Variants in GULP1 observed in about 807,000 individuals in gnomAD.
GULP1 encodes GULP PTB domain containing engulfment adaptor 1, also known as PTB domain-containing engulfment adapter protein 1.
A neutral mutation model predicts 40.9 loss-of-function variants in GULP1; 19 were observed. The observed-to-expected ratio is 0.46, with a 90% CI of 0.32 to 0.68. GULP1 has a LOEUF of 0.68. GULP1 is among the 30% of genes least tolerant of loss of function. The probability of loss-of-function intolerance (pLI) is 0.03; values close to 1 mark genes in which losing one functional copy is unlikely to be tolerated. For synonymous variants in GULP1, 119 were observed against 117.6 expected (o/e 1.01, Z -0.08); for missense variants, 312 against 362.2 (o/e 0.86, Z 1.12).
intron 2 of GULP1, among the ~76,000 whole-genome samples, chr2:188,438,602 A>G (rs2057644478): frequency 6.6e-6 from 1 of 151,626 alleles, no homozygotes; most frequent in Admixed American, 6.6e-5. Flanking sequence ...GGTTAATTGC[A>G]TTATTCCCAA....
At chr2:188,345,000 G>A (rs1223891262) in intron 1 of GULP1, among the ~76,000 whole-genome samples, 1 of 149,714 alleles carries the variant, frequency 6.7e-6, no homozygotes, top group Non-Finnish European at 1.5e-5. Context: ...ATTTTCATGA[G>A]TAGTAAATTT....
At chr2:188,308,994 A>G (rs2106300733) in intron 1 of GULP1, among the ~76,000 whole-genome samples, 1 of 152,314 alleles carries the variant, frequency 6.6e-6, no homozygotes, top group South Asian at 2.1e-4. Flanking sequence ...AGGCAGCATC[A>G]GATTTTCTTG....
At chr2:188,566,118 T>G (rs1254723766) in intron 7 of GULP1, among the ~76,000 whole-genome samples, 1 of 152,136 alleles carries the variant, frequency 6.6e-6, no homozygotes, top group Non-Finnish European at 1.5e-5. Context: ...ATTCATAAAT[T>G]TATCATGATC....
intron 5 of GULP1, among the ~76,000 whole-genome samples, chr2:188,526,011 T>G (rs769995356): frequency 6.6e-6 from 1 of 152,170 alleles, no homozygotes; most frequent in African/African-American, 2.4e-5. Context: ...AGTAGTAAAT[T>G]AATTTTATTG....
intron 2 of GULP1, among the ~76,000 whole-genome samples, chr2:188,436,246 A>C (rs1391281486): frequency 6.6e-6 from 1 of 151,944 alleles, no homozygotes; most frequent in Non-Finnish European, 1.5e-5. Flanking sequence ...TTGTTTTGCT[A>C]TTCTGGTTGT....
chr2:188,494,152 C>T (rs2062676965), intron 4 of GULP1, among the ~76,000 whole-genome samples: 1 of 151,940 alleles, frequency 6.6e-6, no homozygotes, highest in Admixed American at 6.6e-5. Flanking sequence ...AAGCCAGTTA[C>T]TGGAAGAAAG....
chr2:188,295,796 A>G (rs1309056939), intron 1 of GULP1, among the ~76,000 whole-genome samples: 1 of 152,082 alleles, frequency 6.6e-6, no homozygotes, highest in Non-Finnish European at 1.5e-5. Context: ...TGAAACTTAC[A>G]CTATGGGTAT....
intron 5 of GULP1, among the ~76,000 whole-genome samples, chr2:188,528,804 A>C (rs573556741): frequency 3.9e-5 from 6 of 152,256 alleles, no homozygotes; most frequent in Admixed American, 3.9e-4. Flanking sequence ...CTTCCCACAA[A>C]GTATTTTGAG....
At chr2:188,451,047 C>T (rs556145580) in intron 2 of GULP1, among the ~76,000 whole-genome samples, 5 of 152,266 alleles carry the variant, frequency 3.3e-5, no homozygotes, top group African/African-American at 1.2e-4. Context: ...TGTAGTGACT[C>T]TTTTTAGCTG....
At chr2:188,369,487 G>A (rs887126059) in intron 1 of GULP1, among the ~76,000 whole-genome samples, 1 of 152,044 alleles carries the variant, frequency 6.6e-6, no homozygotes, top group Admixed American at 6.6e-5. Flanking sequence ...AGAACCCGGG[G>A]AAGATGGACT....
chr2:188,479,676 A>T (rs1347422366), intron 3 of GULP1, among the ~76,000 whole-genome samples: 5 of 152,002 alleles, frequency 3.3e-5, no homozygotes, highest in Non-Finnish European at 7.4e-5. Flanking sequence ...CCTTCTTTTT[A>T]TATATATATG....
intron 2 of GULP1, among the ~76,000 whole-genome samples, chr2:188,471,773 G>T (rs1263707251): frequency 6.6e-6 from 1 of 152,056 alleles, no homozygotes; most frequent in Non-Finnish European, 1.5e-5. Context: ...ATTGTTTCAT[G>T]GTTTAGTCTT....
chr2:188,538,524 C>T (rs953515831), intron 6 of GULP1, among the ~76,000 whole-genome samples: 4 of 151,934 alleles, frequency 2.6e-5, no homozygotes, highest in African/African-American at 7.3e-5. Context: ...ATGTTACATA[C>T]GAATATAGAG....
chr2:188,565,242 A>G (rs1697361750), intron 7 of GULP1, among the ~76,000 whole-genome samples: 1 of 152,008 alleles, frequency 6.6e-6, no homozygotes, highest in South Asian at 2.1e-4. Flanking sequence ...ATCTATAAAC[A>G]CTATCAGCAA....
chr2:188,513,756 G>A (rs1359452818), intron 4 of GULP1, among the ~76,000 whole-genome samples: 2 of 151,776 alleles, frequency 1.3e-5, no homozygotes, highest in African/African-American at 4.8e-5. Flanking sequence ...AAACTCTATG[G>A]CCTGATATTT....
chr2:188,459,770 A>G (rs1032991289), intron 2 of GULP1, among the ~76,000 whole-genome samples: 2 of 152,080 alleles, frequency 1.3e-5, no homozygotes, highest in African/African-American at 4.8e-5. Flanking sequence ...GTAGTTTCAT[A>G]ATTTGAAGTC....
chr2:188,369,291 C>T (rs1160584164), intron 1 of GULP1, among the ~76,000 whole-genome samples: 1 of 151,548 alleles, frequency 6.6e-6, no homozygotes, highest in Non-Finnish European at 1.5e-5. Flanking sequence ...GTGTTGTATA[C>T]AATCAAAGTT....
At chr2:188,488,815 G>T (rs571016640) in intron 4 of GULP1, among the ~76,000 whole-genome samples, 2 of 151,908 alleles carry the variant, frequency 1.3e-5, no homozygotes, top group East Asian at 3.9e-4. Context: ...ATACTTTGAG[G>T]TAACAGCATT....
intron 6 of GULP1, among the ~76,000 whole-genome samples, chr2:188,533,725 A>G (rs764519164): frequency 6.6e-6 from 1 of 152,218 alleles, no homozygotes; most frequent in African/African-American, 2.4e-5. Context: ...TTTGCAAACT[A>G]TGCATTTAAC....
Sources: allele counts gnomAD v4.1 joint callset (sites outside exome capture counted in the v4.1 genomes callset), GRCh38; gene constraint gnomAD v4.1.1; transcripts MANE v1.5; gene names NCBI Gene and HGNC (gene_info 2026-07-23, HGNC 2026-07-21).